Variants in DNAH3 observed in about 807,000 individuals in gnomAD.
DNAH3 encodes the protein axonemal beta dynein heavy chain 3.
In DNAH3, 332 loss-of-function variants were observed where a neutral mutation model predicts 432.5. That is an observed-to-expected ratio of 0.77 (90% CI 0.70 to 0.84). The LOEUF is 0.84. Ranked by LOEUF, DNAH3 falls within the 40% of genes least tolerant of loss-of-function variation. The probability of loss-of-function intolerance (pLI) is 0.00; values close to 1 mark genes in which losing one functional copy is unlikely to be tolerated. For synonymous variants in DNAH3, 1,956 were observed against 1,900.2 expected (o/e 1.03, Z -0.76); for missense variants, 4,861 against 5,114.0 (o/e 0.95, Z 1.51).
At chr16:21,142,299 G>A (rs1415207234) in intron 3 of DNAH3, among the ~76,000 whole-genome samples, 1 of 152,072 alleles carries the variant, frequency 6.6e-6, no homozygotes, top group Non-Finnish European at 1.5e-5. Flanking sequence ...CCCTGGGGAC[G>A]GAGGTTGCAG....
At chr16:21,073,891 C>T (rs2090882533) in intron 21 of DNAH3, among the ~76,000 whole-genome samples, 1 of 152,116 alleles carries the variant, frequency 6.6e-6, no homozygotes, top group Non-Finnish European at 1.5e-5. Flanking sequence ...TGCTAGGCTT[C>T]CCATGGAGTC....
intron 51 of DNAH3, among the ~76,000 whole-genome samples, chr16:20,970,794 G>C (rs1050423161): frequency 6.6e-6 from 1 of 151,696 alleles, no homozygotes; most frequent in African/African-American, 2.4e-5. Flanking sequence ...TGAATCAAGA[G>C]TTGGTGACCT....
At chr16:21,062,443 T>C (rs773825830) in intron 25 of DNAH3, 39 bp downstream of exon 25, 1 of 1,565,532 alleles carries the variant, frequency 6.4e-7, no homozygotes, top group South Asian at 1.1e-5. Flanking sequence ...ATTTACTCTG[T>C]TATGGAGAAA....
At chr16:21,110,037 C>T (rs1020480900) in intron 14 of DNAH3, among the ~76,000 whole-genome samples, 2 of 152,192 alleles carry the variant, frequency 1.3e-5, no homozygotes, top group Non-Finnish European at 2.9e-5. Flanking sequence ...GGACTATAGA[C>T]GTCAGCCATG....
chr16:21,062,362 G>A (rs564009937), intron 25 of DNAH3, 120 bp downstream of exon 25: 17 of 763,368 alleles, frequency 2.2e-5, no homozygotes, highest in Admixed American at 4.9e-5. Flanking sequence ...TCGTTACATC[G>A]TAGAACCCAA....
chr16:21,002,981 T>A (rs1167267942), intron 42 of DNAH3, 123 bp downstream of exon 42: 1 of 707,422 alleles, frequency 1.4e-6, no homozygotes, highest in Admixed American at 2.7e-5. Context: ...GCAGCTCATG[T>A]TTAAATATTT....
intron 17 of DNAH3, among the ~76,000 whole-genome samples, chr16:21,098,323 C>A (rs9937002): frequency 0.059 from 8,920 of 151,496 alleles, 359 homozygotes; most frequent in East Asian, 0.18. Context: ...CCTGTAATCC[C>A]AGCTACTTGG....
rs2091761476 is a variant in DNAH3, at chr16:21,098,780, A to C, written c.2367-11T>G. The C allele has an allele frequency of 6.2e-7, 1 of 1,607,156 alleles. No individual in the cohort carries two copies. The highest frequency in any genetic ancestry group is 1.3e-5 in the African/African-American group (1 of 74,144). On this transcript the variant is annotated splice_polypyrimidine_tract_variant and intron_variant, in intron 16 of 61. Coordinates refer to ENST00000261383, the Ensembl canonical transcript of DNAH3. ...TCAAATTCTGAGCATCTGAAAATAA[A>C]GACAGCCTGGTTACCTTTGGACTTT...
At chr16:21,055,128 T>C (rs756635496) in intron 27 of DNAH3, among the ~76,000 whole-genome samples, 2 of 151,344 alleles carry the variant, frequency 1.3e-5, no homozygotes, top group Non-Finnish European at 2.9e-5. Flanking sequence ...GGCAATTGGC[T>C]AATTTTATTT....
intron 57 of DNAH3, among the ~76,000 whole-genome samples, chr16:20,948,028 A>C (rs1236933829): frequency 6.6e-6 from 1 of 152,188 alleles, no homozygotes. Flanking sequence ...CACCCGCCTC[A>C]GCCTCCCAAA....
intron 6 of DNAH3, among the ~76,000 whole-genome samples, chr16:21,135,625 C>G (rs959042091): frequency 2.0e-5 from 3 of 151,694 alleles, no homozygotes; most frequent in African/African-American, 7.3e-5. Flanking sequence ...CCCAGGGGTC[C>G]GCCCAGGTAG....
exon 59 of DNAH3, chr16:20,941,516 T>C (rs746248745): frequency 6.2e-7 from 1 of 1,614,210 alleles, no homozygotes. Context: ...TTGGAGAGAA[T>C]GTCTTGTGCC....
chr16:20,957,278 G>A (rs2084604757), intron 54 of DNAH3, among the ~76,000 whole-genome samples: 1 of 152,152 alleles, frequency 6.6e-6, no homozygotes, highest in Non-Finnish European at 1.5e-5. Flanking sequence ...GATCTCTGCT[G>A]CAACTACTTG....
rs2090305870 is a variant in DNAH3 at position 21,060,442 on chromosome 16, A to G, written c.3721-86T>C. ...GGGCAGAACACAGCTTTCTCTCTGG[A>G]CACGGCTGGAGGGATGCCAAAGGCT... is the stretch of plus-strand genomic sequence containing the variant. On this transcript the variant is annotated intron_variant, in intron 25 of 61. Transcript: ENST00000261383. The G allele has an allele frequency of 8.1e-6, 8 of 984,234 alleles. No homozygotes were observed. In the Admixed American group the frequency reaches 1.2e-4, roughly 15 times the overall value. 61.0% of individuals were successfully genotyped at this position (984,234 alleles called of 1,614,324 possible). A position where few individuals can be genotyped will look rare whatever the true frequency, so the allele number is the denominator to read the frequency against.
In DNAH3 at chr16:21,104,717, G is replaced by C. The variant is rs144681510; in HGVS notation, c.2285-165C>G. The C allele has an allele frequency of 3.4e-5, 21 of 616,602 alleles. No homozygotes were observed. In the East Asian group the frequency reaches 5.4e-4, roughly 16 times the overall value. 38.2% of individuals were successfully genotyped at this position (616,602 alleles called of 1,614,324 possible). A position where few individuals can be genotyped will look rare whatever the true frequency, so the allele number is the denominator to read the frequency against. ...GGTGTGGGGGTGGCAATGAACACATGGATGAGTGACAGTGACATTTGTTGA... is the reference window on the plus strand; with the variant it reads ...GGTGTGGGGGTGGCAATGAACACATCGATGAGTGACAGTGACATTTGTTGA... On this transcript the variant is annotated intron_variant, in intron 15 of 61. Transcript: ENST00000261383.
chr16:21,067,758 G>C (rs1315945355), intron 23 of DNAH3, among the ~76,000 whole-genome samples: 1 of 25,484 alleles, frequency 3.9e-5, no homozygotes, highest in Non-Finnish European at 7.7e-5. Context: ...AGCCAGTCTT[G>C]GGGGGGGGGG....
chr16:20,959,738 T>C (rs1001619802), intron 53 of DNAH3, among the ~76,000 whole-genome samples: 1 of 151,972 alleles, frequency 6.6e-6, no homozygotes, highest in Non-Finnish European at 1.5e-5. Context: ...AAAATAAACA[T>C]CTCTCTGGGG....
At position 21,070,829 on chromosome 16, in the gene DNAH3, G is replaced by A. The variant is rs943790761; in HGVS notation, c.3085-3C>T. 4 of 1,565,470 alleles carry A rather than the reference G, an allele frequency of 2.6e-6. No homozygotes were observed. The highest frequency in any genetic ancestry group is 1.7e-5 in the Admixed American group (1 of 59,776). On this transcript the variant is annotated splice_region_variant and splice_polypyrimidine_tract_variant and intron_variant, in intron 21 of 61. Coordinates refer to ENST00000261383, the Ensembl canonical transcript of DNAH3. ...ATTGCACACAAGATGTTTGTATCCT[G>A]TAAATAAAGATGCCCCACCCTGTCA...
intron 23 of DNAH3, among the ~76,000 whole-genome samples, chr16:21,067,951 T>G (rs895946383): frequency 8.5e-5 from 13 of 152,086 alleles, no homozygotes; most frequent in African/African-American, 2.9e-4. Context: ...CCATTTGGTC[T>G]TCTCGTTTCA....
Sources: gnomAD v4.1 joint callset for allele counts (sites outside exome capture counted in the v4.1 genomes callset) on GRCh38, gnomAD v4.1.1 for gene constraint, MANE v1.5 for transcripts, NCBI Gene and HGNC (gene_info 2026-07-23, HGNC 2026-07-21) for gene names.